Variants in KIAA1671 observed in about 807,000 individuals in gnomAD.
KIAA1671 encodes KIAA1671, also known as uncharacterized protein KIAA1671.
In KIAA1671, 52 loss-of-function variants were observed where a neutral mutation model predicts 131.2. The observed-to-expected ratio is 0.40, with a 90% CI of 0.32 to 0.50. KIAA1671 has a LOEUF of 0.50. KIAA1671 is among the 20% of genes least tolerant of loss of function. The probability of loss-of-function intolerance (pLI) is 0.73; values close to 1 mark genes in which losing one functional copy is unlikely to be tolerated. For missense variants in KIAA1671, 2,360 were observed against 2,364.2 expected, an observed-to-expected ratio of 1.00 and a Z score of 0.04; for synonymous variants, 1,003 against 961.6, an observed-to-expected ratio of 1.04 and a Z score of -0.80.
intron 6 of KIAA1671, among the ~76,000 whole-genome samples, chr22:25,158,276 A>G (rs1933312636): frequency 6.6e-6 from 1 of 152,204 alleles, no homozygotes; most frequent in African/African-American, 2.4e-5. Flanking sequence ...GGAGTCATTT[A>G]TGGGTTCATT....
chr22:25,052,250 G>A (rs796605507), intron 6 of KIAA1671: 21 of 152,472 alleles, frequency 1.4e-4, no homozygotes, highest in African/African-American at 4.8e-4. Flanking sequence ...CTCAGCCCGG[G>A]GTTGGCCATC....
rs1264545941 is a variant in KIAA1671 at position 25,047,187 on chromosome 22, G to C, written c.4396-2043G>C. Among the ~76,000 whole-genome samples, 11 of 135,542 alleles carry C rather than the reference G, an allele frequency of 8.1e-5. No individual in the cohort carries two copies. In the East Asian group the frequency reaches 2.4e-3, roughly 29 times the overall value. The allele number at this position is 135,542 out of a possible 152,430, so 88.9% of individuals were successfully genotyped here. On this transcript the variant is annotated intron_variant, in intron 5 of 12. Coordinates refer to ENST00000358431, the MANE Select transcript of KIAA1671 (RefSeq NM_001145206.2). ...TTTTTTTGAGACAGAGTCTTGCTCT[G>C]TTGCCCAGGCTGGAGTGCAGTGGCA... is the stretch of plus-strand genomic sequence containing the variant.
intron 6 of KIAA1671, among the ~76,000 whole-genome samples, chr22:25,139,114 C>T (rs184100654): frequency 6.6e-6 from 1 of 152,368 alleles, no homozygotes; most frequent in East Asian, 1.9e-4. Context: ...GTCTCCTGGG[C>T]ATCTGTGCTC....
rs139296401 is a variant in KIAA1671 at position 25,093,848 on chromosome 22, C to G, written c.4530+44484C>G. On this transcript the variant is annotated intron_variant, in intron 6 of 12. Coordinates refer to ENST00000358431, the MANE Select transcript of KIAA1671 (RefSeq NM_001145206.2). ...TTTCTCTCTCTGTCTGTCTCTCTCT[C>G]TCTCTCTCTCTCTCTCTCTCTCTCT... 1.9e-3 allele frequency among the ~76,000 whole-genome samples: 131 copies of G among 67,678 alleles called. 8 individuals carry two copies. The highest frequency in any genetic ancestry group is 6.6e-3 in the Middle Eastern group (1 of 152). The allele number at this position is 67,678 out of a possible 152,430, so 44.4% of individuals were successfully genotyped here. A position where few individuals can be genotyped will look rare whatever the true frequency, so the allele number is the denominator to read the frequency against.
intron 6 of KIAA1671, among the ~76,000 whole-genome samples, chr22:25,085,247 C>G (rs1309751135): frequency 6.6e-6 from 1 of 152,196 alleles, no homozygotes; most frequent in Non-Finnish European, 1.5e-5. Flanking sequence ...GATTCAAAGC[C>G]ATTGTTTTCC....
intron 6 of KIAA1671, among the ~76,000 whole-genome samples, chr22:25,095,494 A>G (rs1455512270): frequency 2.0e-5 from 3 of 152,090 alleles, no homozygotes; most frequent in Non-Finnish European, 2.9e-5. Context: ...TACTAAAAAT[A>G]TAAAAAATTA....
intron 1 of KIAA1671, among the ~76,000 whole-genome samples, chr22:25,000,204 T>TAAATGTAGC (rs1569202493): frequency 2.5e-4 from 20 of 81,030 alleles, no homozygotes; most frequent in African/African-American, 8.3e-4. Context: ...TTTTTTTTTT[T>TAAATGTAGC]TTTTTTTGAG....
intron 6 of KIAA1671, among the ~76,000 whole-genome samples, chr22:25,127,711 T>C (rs1269974929): frequency 6.6e-6 from 1 of 152,228 alleles, no homozygotes; most frequent in East Asian, 1.9e-4. Context: ...ATTTTTCATA[T>C]GCTATGTTGG....
At chr22:25,018,293 C>G (rs1925451715) in intron 1 of KIAA1671, among the ~76,000 whole-genome samples, 3 of 151,934 alleles carry the variant, frequency 2.0e-5, no homozygotes, top group Admixed American at 2.0e-4. Flanking sequence ...AGAGATTCGC[C>G]TGAAGGGCAT....
chr22:25,093,792 CTCTCTCTCTCTCTCTCTCTG>C (rs1930219184), intron 6 of KIAA1671, among the ~76,000 whole-genome samples: 1 of 101,202 alleles, frequency 9.9e-6, no homozygotes. Context: ...CTCTCTCTCT[CTCTCTCTCTCTCTCTCTCTG>C]TCTCTCTCTC....
intron 6 of KIAA1671, among the ~76,000 whole-genome samples, chr22:25,146,978 G>A (rs1932890490): frequency 6.6e-6 from 1 of 152,014 alleles, no homozygotes; most frequent in African/African-American, 2.4e-5. Context: ...AACACTTTGT[G>A]TGCCTAATCC....
chr22:25,135,839 A>T (rs1224100108), intron 6 of KIAA1671, among the ~76,000 whole-genome samples: 1 of 152,212 alleles, frequency 6.6e-6, no homozygotes, highest in Non-Finnish European at 1.5e-5. Context: ...CACAGTACTG[A>T]TGGCTGACGT....
intron 6 of KIAA1671, among the ~76,000 whole-genome samples, chr22:25,093,786 C>CTCTG (rs1568951268): frequency 2.6e-5 from 2 of 75,580 alleles, no homozygotes; most frequent in South Asian, 4.2e-4. Context: ...CTCTCTCTCT[C>CTCTG]TCTCTCTCTC....
chr22:24,956,082 C>T (rs1921682283), intron 1 of KIAA1671, among the ~76,000 whole-genome samples: 1 of 151,624 alleles, frequency 6.6e-6, no homozygotes, highest in East Asian at 1.9e-4. Flanking sequence ...GACCGCGGTG[C>T]GCGGTGGACT....
At chr22:25,179,554 C>T (rs1934191042) in intron 9 of KIAA1671, 18 of 1,575,702 alleles carry the variant, frequency 1.1e-5, no homozygotes, top group Non-Finnish European at 1.3e-5. Context: ...GCGCCTCCTG[C>T]GTTGGGAAGG....
intron 1 of KIAA1671, among the ~76,000 whole-genome samples, chr22:24,956,038 AAAAAG>A (rs1243293661): frequency 1.3e-5 from 2 of 151,936 alleles, no homozygotes; most frequent in African/African-American, 2.4e-5. Context: ...AAAAAAAAAA[AAAAAG>A]AAAAGAAAAA....
At position 25,028,383 on chromosome 22, in the gene KIAA1671, G is replaced by A. The variant is rs1926074817; in HGVS notation, c.384G>A (p.Ser128=). The A allele has an allele frequency of 1.3e-6, 2 of 1,550,818 alleles. No individual in the cohort carries two copies. The highest frequency in any genetic ancestry group is 2.4e-5 in the East Asian group (1 of 40,920). The part of the protein sequence containing the change: ...VGSGEGPRTS[S]PLFNKAVFLR... Reference sequence around the variant, plus strand: ...GTGGGGAGGGCCCGAGGACGAGCTCGCCCCTCTTCAACAAGGCTGTGTTCC... The same window carrying A: ...GTGGGGAGGGCCCGAGGACGAGCTCACCCCTCTTCAACAAGGCTGTGTTCC... The change falls in exon 3 of 13, where the codon TCG becomes TCA. Residue 128 remains serine, a synonymous_variant. Transcript: ENST00000358431.
chr22:25,052,322 T>TGATTTGCATAGCCCTGCC (rs1927577281), intron 6 of KIAA1671: 2 of 152,286 alleles, frequency 1.3e-5, no homozygotes, highest in Non-Finnish European at 2.9e-5. Flanking sequence ...AATGCCCTGC[T>TGATTTGCATAGCCCTGCC]GATTTGCATA....
At chr22:25,142,196 G>T (rs1369384594) in intron 6 of KIAA1671, among the ~76,000 whole-genome samples, 1 of 152,144 alleles carries the variant, frequency 6.6e-6, no homozygotes, top group African/African-American at 2.4e-5. Flanking sequence ...GTGTACTTTA[G>T]CGGCAGCCTC....
Sources: allele counts gnomAD v4.1 joint callset (sites outside exome capture counted in the v4.1 genomes callset), GRCh38; gene constraint gnomAD v4.1.1; transcripts MANE v1.5; gene names NCBI Gene and HGNC (gene_info 2026-07-23, HGNC 2026-07-21).